The following SUPT3H variants were observed in gnomAD, a reference collection of about 807,000 sequenced individuals.
SUPT3H encodes SPT3 homolog, SAGA and STAGA complex component, also known as transcription initiation protein SPT3 homolog.
A neutral mutation model predicts 44.3 loss-of-function variants in SUPT3H; 44 were observed. That is an observed-to-expected ratio of 0.99 (90% CI 0.78 to 1.28). The LOEUF (loss-of-function observed/expected upper bound fraction) is 1.28. Ranked by LOEUF, SUPT3H falls within the 50% of genes most tolerant of loss-of-function variation. The probability of loss-of-function intolerance (pLI) is 0.00; values close to 1 mark genes in which losing one functional copy is unlikely to be tolerated. For synonymous variants in SUPT3H, 124 were observed against 125.6 expected (o/e 0.99, Z 0.09); for missense variants, 380 against 387.1 (o/e 0.98, Z 0.15).
chr6:44,972,054 A>T lies in SUPT3H; in HGVS notation c.505-10226T>A, dbSNP rs568679157. Among the ~76,000 whole-genome samples, 205 of 152,208 alleles carry T rather than the reference A, an allele frequency of 1.3e-3. 1 individual carries two copies. Among genetic ancestry groups the T allele is most frequent in the African/African-American group, 4.8e-3 (201 of 41,546 alleles). On this transcript the variant is annotated intron_variant, in intron 6 of 10. Coordinates refer to ENST00000371459, the MANE Select transcript of SUPT3H (RefSeq NM_003599.4). The stretch of plus-strand genomic sequence containing the variant: ...CTCCCAAAGTGCTGGGATTACAGGC[A>T]TGAGCCACTGCGCCCAGCCAACATC...
At chr6:45,163,101 TAGTG>T (rs773673013) in intron 2 of SUPT3H, among the ~76,000 whole-genome samples, 35 of 152,158 alleles carry the variant, frequency 2.3e-4, no homozygotes, top group Non-Finnish European at 4.6e-4. Flanking sequence ...TCTAAAACAT[TAGTG>T]AGCAATATGG....
intron 6 of SUPT3H, among the ~76,000 whole-genome samples, chr6:44,984,396 A>C (rs1779497071): frequency 6.6e-6 from 1 of 152,096 alleles, no homozygotes; most frequent in African/African-American, 2.4e-5. Flanking sequence ...ATAGTGAATA[A>C]AATTTTTATT....
chr6:45,281,984 G>C (rs1222707345), intron 2 of SUPT3H, among the ~76,000 whole-genome samples: 1 of 152,182 alleles, frequency 6.6e-6, no homozygotes, highest in East Asian at 1.9e-4. Flanking sequence ...ACAGGGTCTA[G>C]AGTGGACATC....
intron 9 of SUPT3H, among the ~76,000 whole-genome samples, chr6:44,947,015 A>G (rs1773458542): frequency 6.6e-6 from 1 of 152,214 alleles, no homozygotes; most frequent in Admixed American, 6.5e-5. Flanking sequence ...AGTAGCCATT[A>G]ACATCGAGGC....
At chr6:45,046,889 T>A (rs1437830109) in intron 3 of SUPT3H, among the ~76,000 whole-genome samples, 2 of 152,208 alleles carry the variant, frequency 1.3e-5, no homozygotes. Flanking sequence ...AGTTAAGGCT[T>A]CTTAAACTTC....
chr6:44,879,693 GC>G (rs944181571), intron 10 of SUPT3H, among the ~76,000 whole-genome samples: 11 of 151,652 alleles, frequency 7.3e-5, no homozygotes, highest in African/African-American at 2.7e-4. Flanking sequence ...CTGGCATCTG[GC>G]GGGTGCCCCA....
intron 6 of SUPT3H, among the ~76,000 whole-genome samples, chr6:44,977,639 G>A (rs1778522331): frequency 6.6e-6 from 1 of 151,990 alleles, no homozygotes; most frequent in South Asian, 2.1e-4. Context: ...TTTTCACCAA[G>A]GTAAAATATA....
At chr6:44,878,215 G>T (rs1264680440) in intron 10 of SUPT3H, among the ~76,000 whole-genome samples, 1 of 152,070 alleles carries the variant, frequency 6.6e-6, no homozygotes, top group African/African-American at 2.4e-5. Flanking sequence ...GTTGTAACAA[G>T]GTTTTATTTG....
chr6:44,826,484 G>A (rs1038343537), downstream of SUPT3H, among the ~76,000 whole-genome samples: 2 of 152,186 alleles, frequency 1.3e-5, no homozygotes, highest in Non-Finnish European at 2.9e-5. Context: ...TGTTCGGCCA[G>A]AGCATACAGG....
intron 10 of SUPT3H, among the ~76,000 whole-genome samples, chr6:44,853,609 T>G (rs1401117021): frequency 6.6e-6 from 1 of 152,070 alleles, no homozygotes; most frequent in Non-Finnish European, 1.5e-5. Context: ...TAAGACAGAT[T>G]AACAGGAGAA....
intron 1 of SUPT3H, among the ~76,000 whole-genome samples, chr6:45,365,872 G>A (rs533173913): frequency 1.0e-3 from 127 of 126,744 alleles, no homozygotes; most frequent in Admixed American, 4.3e-3. Flanking sequence ...TCAATCGGTA[G>A]ATCAAAAGCA....
intron 10 of SUPT3H, among the ~76,000 whole-genome samples, chr6:44,931,086 A>G (rs2153461066): frequency 6.6e-6 from 1 of 152,332 alleles, no homozygotes; most frequent in Middle Eastern, 3.4e-3. Flanking sequence ...AACTTTGAAG[A>G]GAGAAGCAGC....
intron 3 of SUPT3H, among the ~76,000 whole-genome samples, chr6:45,060,946 C>A (rs1266701431): frequency 6.6e-6 from 1 of 151,972 alleles, no homozygotes; most frequent in Non-Finnish European, 1.5e-5. Flanking sequence ...TGTCAAGAAA[C>A]AAGATGCTGC....
At chr6:44,999,976 C>T (rs1395561685) in intron 6 of SUPT3H, among the ~76,000 whole-genome samples, 1 of 151,796 alleles carries the variant, frequency 6.6e-6, no homozygotes, top group Non-Finnish European at 1.5e-5. Flanking sequence ...TTTAAATAAT[C>T]TAGAAAAATT....
intron 2 of SUPT3H, among the ~76,000 whole-genome samples, chr6:45,296,739 A>C (rs1381995567): frequency 7.8e-5 from 2 of 25,524 alleles, no homozygotes; most frequent in African/African-American, 4.2e-4. Flanking sequence ...ACTCTGTCTC[A>C]AAAAAAAAAA....
At chr6:45,346,384 C>T (rs1007626463) in intron 2 of SUPT3H, among the ~76,000 whole-genome samples, 7 of 151,986 alleles carry the variant, frequency 4.6e-5, no homozygotes, top group South Asian at 2.1e-4. Flanking sequence ...GCTAGAACCT[C>T]GCATGCCCTC....
chr6:45,272,208 T>C (rs1345329142), intron 2 of SUPT3H, among the ~76,000 whole-genome samples: 1 of 152,142 alleles, frequency 6.6e-6, no homozygotes, highest in Non-Finnish European at 1.5e-5. Context: ...TGTTTGGTTT[T>C]GAAATGTGAG....
At chr6:45,050,878 A>ATTTTTTTTTTTTTTTTTTTTTTTTT in intron 3 of SUPT3H, among the ~76,000 whole-genome samples, 1 of 86,164 alleles carries the variant, frequency 1.2e-5, no homozygotes, top group Non-Finnish European at 2.2e-5. Context: ...AGGGTATGGG[A>ATTTTTTTTTTTTTTTTTTTTTTTTT]TTTTTTTTTT....
At chr6:45,224,565 G>A (rs1490418785) in intron 2 of SUPT3H, among the ~76,000 whole-genome samples, 1 of 152,096 alleles carries the variant, frequency 6.6e-6, no homozygotes, top group Admixed American at 6.6e-5. Context: ...GGATCAAGAG[G>A]TCAGGAGTTC....
Sources: allele counts gnomAD v4.1 joint callset (sites outside exome capture counted in the v4.1 genomes callset), GRCh38; gene constraint gnomAD v4.1.1; transcripts MANE v1.5; gene names NCBI Gene and HGNC (gene_info 2026-07-23, HGNC 2026-07-21).